PPP2R2B: variants seen among roughly 807,000 people sequenced by gnomAD.
The protein encoded by PPP2R2B is serine/threonine-protein phosphatase 2A 55 kDa regulatory subunit B beta isoform.
A neutral mutation model predicts 46.0 loss-of-function variants in PPP2R2B; 5 were observed. That is an observed-to-expected ratio of 0.11 (90% CI 0.06 to 0.23). PPP2R2B has a LOEUF of 0.23. Ranked by LOEUF, PPP2R2B falls within the 10% of genes least tolerant of loss-of-function variation. The pLI, the probability that PPP2R2B is intolerant of heterozygous loss-of-function variation, is 1.00. For synonymous variants in PPP2R2B, 215 were observed against 206.7 expected, an observed-to-expected ratio of 1.04 and a Z score of -0.34; for missense variants, 367 against 575.0, an observed-to-expected ratio of 0.64 and a Z score of 3.70.
At chr5:146,833,025 T>C (rs1030857203) in intron 2 of PPP2R2B, among the ~76,000 whole-genome samples, 5 of 152,070 alleles carry the variant, frequency 3.3e-5, no homozygotes, top group African/African-American at 1.2e-4. Flanking sequence ...TATTTCATTC[T>C]CATTTTCATG....
At chr5:146,655,337 C>A (rs1319328738) in intron 5 of PPP2R2B, among the ~76,000 whole-genome samples, 1 of 152,200 alleles carries the variant, frequency 6.6e-6, no homozygotes, top group African/African-American at 2.4e-5. Context: ...CTGGGAAGCT[C>A]TTCCCCCCCA....
At chr5:147,074,334 G>T (rs1428660326) in intron 2 of PPP2R2B, among the ~76,000 whole-genome samples, 1 of 152,168 alleles carries the variant, frequency 6.6e-6, no homozygotes, top group Admixed American at 6.5e-5. Context: ...AAAAAGACAG[G>T]ATTCCTTCTG....
At chr5:146,766,818 C>T (rs148532247) in intron 2 of PPP2R2B, among the ~76,000 whole-genome samples, 1 of 151,952 alleles carries the variant, frequency 6.6e-6, no homozygotes, top group African/African-American at 2.4e-5. Context: ...CTTTGGGAGG[C>T]CAAGGCGGGA....
At chr5:146,741,965 C>T (rs7728120) in intron 2 of PPP2R2B, among the ~76,000 whole-genome samples, 2,829 of 152,206 alleles carry the variant, frequency 0.019, 79 homozygotes, top group African/African-American at 0.061. Context: ...TAGGAAGACT[C>T]GTCTGGGTCT....
At chr5:146,943,103 CATA>C (rs367892865) in intron 1 of PPP2R2B, among the ~76,000 whole-genome samples, 4 of 152,190 alleles carry the variant, frequency 2.6e-5, no homozygotes, top group African/African-American at 9.6e-5. Flanking sequence ...GGCCCAAATC[CATA>C]ATTTTAATCT....
chr5:146,810,491 G>C (rs887852944), intron 2 of PPP2R2B, among the ~76,000 whole-genome samples: 2 of 152,152 alleles, frequency 1.3e-5, no homozygotes, highest in Non-Finnish European at 2.9e-5. Flanking sequence ...TACAATTCAA[G>C]ATGAGATTTG....
At chr5:146,684,756 C>T (rs902517028) in intron 5 of PPP2R2B, among the ~76,000 whole-genome samples, 8 of 152,112 alleles carry the variant, frequency 5.3e-5, no homozygotes, top group African/African-American at 1.7e-4. Context: ...GACAGTTATC[C>T]TTCTCCATGA....
At chr5:146,595,594 G>T (rs2151007696) in intron 8 of PPP2R2B, among the ~76,000 whole-genome samples, 1 of 152,288 alleles carries the variant, frequency 6.6e-6, no homozygotes, top group East Asian at 1.9e-4. Context: ...TAAGGTCTGG[G>T]TAGCTCCTAT....
intron 5 of PPP2R2B, among the ~76,000 whole-genome samples, chr5:146,652,804 A>G (rs969773724): frequency 3.3e-5 from 5 of 152,110 alleles, no homozygotes; most frequent in Non-Finnish European, 1.5e-5. Context: ...TGAATAGGGA[A>G]AAAAATGAAA....
At chr5:146,629,732 T>C (rs116693733) in intron 7 of PPP2R2B, among the ~76,000 whole-genome samples, 1,529 of 87,030 alleles carry the variant, frequency 0.018, no homozygotes, top group Middle Eastern at 0.03. Context: ...CCTCCCTCTC[T>C]TCCTCCCTTC....
intron 1 of PPP2R2B, among the ~76,000 whole-genome samples, chr5:146,894,221 C>A (rs1332420561): frequency 6.6e-6 from 1 of 152,184 alleles, no homozygotes; most frequent in Non-Finnish European, 1.5e-5. Flanking sequence ...TCTGATCATG[C>A]CAATTGCCCT....
chr5:146,757,346 T>C (rs902805173), intron 2 of PPP2R2B, among the ~76,000 whole-genome samples: 9 of 152,168 alleles, frequency 5.9e-5, no homozygotes, highest in Non-Finnish European at 8.8e-5. Flanking sequence ...TATAAATATC[T>C]ATTGCATACA....
intron 2 of PPP2R2B, among the ~76,000 whole-genome samples, chr5:146,834,879 G>T (rs908584605): frequency 1.3e-5 from 2 of 152,096 alleles, no homozygotes; most frequent in African/African-American, 4.8e-5. Flanking sequence ...TGCAGTATTT[G>T]GTTTTCTGTT....
At chr5:146,609,045 A>G (rs1772581990) in intron 7 of PPP2R2B, among the ~76,000 whole-genome samples, 1 of 152,184 alleles carries the variant, frequency 6.6e-6, no homozygotes, top group Non-Finnish European at 1.5e-5. Flanking sequence ...AGCAAACCGA[A>G]TTCAACAATA....
intron 7 of PPP2R2B, among the ~76,000 whole-genome samples, chr5:146,605,199 C>A (rs1772150969): frequency 6.6e-6 from 1 of 152,174 alleles, no homozygotes; most frequent in South Asian, 2.1e-4. Context: ...GGAACAGAGG[C>A]AGAATTTGAA....
intron 2 of PPP2R2B, among the ~76,000 whole-genome samples, chr5:146,839,898 C>T (rs1244442766): frequency 6.6e-6 from 1 of 152,162 alleles, no homozygotes; most frequent in Non-Finnish European, 1.5e-5. Flanking sequence ...ATTTTTACTT[C>T]CTTAGGGTAT....
chr5:146,838,304 G>T (rs1437818650), intron 2 of PPP2R2B, among the ~76,000 whole-genome samples: 1 of 151,838 alleles, frequency 6.6e-6, no homozygotes, highest in Non-Finnish European at 1.5e-5. Context: ...GGGAGGCCGG[G>T]CTCACACCTG....
chr5:146,883,457 A>G (rs1256561725), upstream of PPP2R2B, among the ~76,000 whole-genome samples: 1 of 152,236 alleles, frequency 6.6e-6, no homozygotes, highest in Non-Finnish European at 1.5e-5. Context: ...AATCTGTCTT[A>G]ATGAACAATT....
chr5:146,755,111 GT>G (rs1339007393), intron 2 of PPP2R2B, among the ~76,000 whole-genome samples: 4 of 152,174 alleles, frequency 2.6e-5, no homozygotes, highest in African/African-American at 9.7e-5. Context: ...TTAGAGAAAG[GT>G]TTGGCAGGAG....
Sources: gnomAD v4.1 joint callset for allele counts (sites outside exome capture counted in the v4.1 genomes callset) on GRCh38, gnomAD v4.1.1 for gene constraint, MANE v1.5 for transcripts, NCBI Gene and HGNC (gene_info 2026-07-23, HGNC 2026-07-21) for gene names.